The following CHRM3 variants were observed in gnomAD, a reference collection of about 807,000 sequenced individuals.
The protein encoded by CHRM3 is muscarinic acetylcholine receptor M3.
A neutral mutation model predicts 41.8 loss-of-function variants in CHRM3; 11 were observed. The ratio of observed to expected loss-of-function variants is 0.26; its 90% CI spans 0.17 to 0.44. The LOEUF is 0.44. CHRM3 is among the 20% of genes least tolerant of loss of function. The pLI is 1.00. For synonymous variants in CHRM3, 297 were observed against 301.4 expected, an observed-to-expected ratio of 0.99 and a Z score of 0.15; for missense variants, 571 against 745.4, an observed-to-expected ratio of 0.77 and a Z score of 2.72.
chr1:239,554,703 T>G (rs189979694), intron 3 of CHRM3, among the ~76,000 whole-genome samples: 1 of 151,726 alleles, frequency 6.6e-6, no homozygotes, highest in East Asian at 1.9e-4. Flanking sequence ...CCTATTGTAA[T>G]TTTAAATTGG....
intron 2 of CHRM3, among the ~76,000 whole-genome samples, chr1:239,530,925 G>T (rs1238981915): frequency 1.3e-5 from 2 of 152,058 alleles, no homozygotes; most frequent in Non-Finnish European, 2.9e-5. Context: ...AGAAATAATG[G>T]CCAAAACATC....
intron 4 of CHRM3, among the ~76,000 whole-genome samples, chr1:239,661,448 G>A (rs1023093321): frequency 6.6e-6 from 1 of 152,180 alleles, no homozygotes; most frequent in African/African-American, 2.4e-5. Flanking sequence ...ATAATAAACA[G>A]TGGCACACCT....
chr1:239,717,027 T>C (rs1217824142), intron 5 of CHRM3, among the ~76,000 whole-genome samples: 1 of 148,764 alleles, frequency 6.7e-6, no homozygotes, highest in Admixed American at 6.9e-5. Flanking sequence ...GAAAAACAAA[T>C]GTTCTCAATC....
At chr1:239,388,070 T>G (rs1463442568) in intron 1 of CHRM3, among the ~76,000 whole-genome samples, 2 of 152,194 alleles carry the variant, frequency 1.3e-5, no homozygotes, top group African/African-American at 4.8e-5. Flanking sequence ...TCTGCATGCT[T>G]GTGCGTGTGT....
chr1:239,867,964 C>T (rs1553289875), intron 6 of CHRM3, among the ~76,000 whole-genome samples: 2 of 152,124 alleles, frequency 1.3e-5, no homozygotes, highest in Non-Finnish European at 2.9e-5. Context: ...TCGGAGGAGC[C>T]TGCCCTCATT....
intron 1 of CHRM3, among the ~76,000 whole-genome samples, chr1:239,397,001 A>C (rs1659540598): frequency 6.6e-6 from 1 of 152,206 alleles, no homozygotes; most frequent in Non-Finnish European, 1.5e-5. Context: ...TCACTTAAAT[A>C]TGCCTTTATT....
At chr1:239,742,090 AC>A (rs1166651478) in intron 5 of CHRM3, among the ~76,000 whole-genome samples, 1 of 12,898 alleles carries the variant, frequency 7.8e-5, no homozygotes, top group African/African-American at 1.1e-4. Context: ...CAGCATGCAT[AC>A]GTTTTTTTTT....
intron 2 of CHRM3, among the ~76,000 whole-genome samples, chr1:239,526,789 G>GA (rs1349954045): frequency 1.3e-5 from 2 of 152,102 alleles, no homozygotes; most frequent in Non-Finnish European, 2.9e-5. Context: ...ATAATGACGA[G>GA]AATAATTAAC....
At position 239,709,196 on chromosome 1, in the gene CHRM3, A is replaced by G. The variant is rs531783848; in HGVS notation, c.-147+30908A>G. On this transcript the variant is annotated intron_variant, in intron 5 of 6. Coordinates refer to ENST00000676153, the MANE Select transcript of CHRM3 (RefSeq NM_001375978.1). ...AAGTTTTCAGACTGAAACTCAGGCCAGTCACATCAACATTTCTTACAGTTT... is the reference window on the plus strand; with the variant it reads ...AAGTTTTCAGACTGAAACTCAGGCCGGTCACATCAACATTTCTTACAGTTT... 1.6e-4 allele frequency among the ~76,000 whole-genome samples: 25 copies of G among 152,294 alleles called. No individual in the cohort carries two copies. The East Asian group carries it at 4.8e-3, about 29-fold the overall frequency.
Position 239,473,868 on chromosome 1 carries a change from TC to T in CHRM3, c.-520-18840del, listed in dbSNP as rs573912449. ...TGTATACACAGAGTTGTAGTAAATT[TC>T]AAAAAAAAAAATGCCTGAGAAAGGT... is the stretch of plus-strand genomic sequence containing the variant. On this transcript the variant is annotated intron_variant, in intron 1 of 6. Coordinates refer to ENST00000676153, the MANE Select transcript of CHRM3 (RefSeq NM_001375978.1). Among the ~76,000 whole-genome samples the T allele has an allele frequency of 4.4e-4, 59 of 135,536 alleles. 1 individual carries two copies. The South Asian group carries it at 6.1e-3, about 14-fold the overall frequency. 88.9% of individuals were successfully genotyped at this position (135,536 alleles called of 152,430 possible).
intron 5 of CHRM3, among the ~76,000 whole-genome samples, chr1:239,740,445 T>G (rs1299302611): frequency 6.6e-6 from 1 of 151,944 alleles, no homozygotes; most frequent in Non-Finnish European, 1.5e-5. Context: ...CCAAGAAAGT[T>G]GACATTGAGG....
At chr1:239,516,185 A>AC (rs1434620749) in intron 2 of CHRM3, among the ~76,000 whole-genome samples, 1 of 152,158 alleles carries the variant, frequency 6.6e-6, no homozygotes, top group Non-Finnish European at 1.5e-5. Flanking sequence ...GAAAGAATTT[A>AC]TAGTATGAAC....
chr1:239,556,486 TG>T (rs1234912375), intron 3 of CHRM3, among the ~76,000 whole-genome samples: 1 of 152,136 alleles, frequency 6.6e-6, no homozygotes, highest in African/African-American at 2.4e-5. Flanking sequence ...CTACTTCACA[TG>T]GAAAGCAAAT....
intron 3 of CHRM3, among the ~76,000 whole-genome samples, chr1:239,601,180 A>G (rs1287769027): frequency 6.6e-6 from 1 of 152,204 alleles, no homozygotes; most frequent in Non-Finnish European, 1.5e-5. Context: ...CATTTCAGCC[A>G]GTTCCATTCT....
rs1240398024 is a variant in CHRM3, at chr1:239,599,703, C to G, written c.-312-32521C>G. On this transcript the variant is annotated intron_variant, in intron 3 of 6. Coordinates refer to ENST00000676153, the MANE Select transcript of CHRM3 (RefSeq NM_001375978.1). ...ACCAAATATCATAGCTTAGCCTAGC[C>G]TACCTTAAACACGCCCAGAACACTT... Among the ~76,000 whole-genome samples the G allele has an allele frequency of 2.0e-5, 3 of 152,120 alleles. No homozygotes were observed. In the East Asian group the frequency reaches 5.8e-4, roughly 29 times the overall value.
chr1:239,429,481 A>G (rs1374538807), intron 1 of CHRM3, among the ~76,000 whole-genome samples: 2 of 152,204 alleles, frequency 1.3e-5, no homozygotes, highest in Admixed American at 1.3e-4. Context: ...AACAAGATCA[A>G]AAAGGCTAGC....
At chr1:239,420,571 G>A (rs943542463) in intron 1 of CHRM3, among the ~76,000 whole-genome samples, 1 of 152,018 alleles carries the variant, frequency 6.6e-6, no homozygotes, top group Non-Finnish European at 1.5e-5. Context: ...ATTATATTTT[G>A]ACCTAAATAT....
At chr1:239,539,095 G>A (rs1658483832) in intron 2 of CHRM3, among the ~76,000 whole-genome samples, 1 of 152,160 alleles carries the variant, frequency 6.6e-6, no homozygotes, top group East Asian at 1.9e-4. Flanking sequence ...GGCTTTGTCA[G>A]ATGTAAAACT....
intron 6 of CHRM3, among the ~76,000 whole-genome samples, chr1:239,895,774 A>G (rs1678948090): frequency 6.6e-6 from 1 of 152,172 alleles, no homozygotes. Context: ...CATTGAGTAC[A>G]CATAGACACA....
Sources: allele counts gnomAD v4.1 joint callset (sites outside exome capture counted in the v4.1 genomes callset), GRCh38; gene constraint gnomAD v4.1.1; transcripts MANE v1.5; gene names NCBI Gene and HGNC (gene_info 2026-07-23, HGNC 2026-07-21).